BOLL: variants seen among roughly 807,000 people sequenced by gnomAD.
The protein encoded by BOLL is protein boule-like.
BOLL carries 23 observed loss-of-function variants against 44.4 expected under a neutral mutation model. That is an observed-to-expected ratio of 0.52 (90% confidence interval 0.37 to 0.73). The LOEUF is 0.73. BOLL is among the 30% of genes least tolerant of loss of function. The probability of loss-of-function intolerance (pLI) is 0.00; values close to 1 mark genes in which losing one functional copy is unlikely to be tolerated. For missense variants in BOLL, 287 were observed against 338.3 expected (o/e 0.85, Z 1.19); for synonymous variants, 97 against 110.8 (o/e 0.88, Z 0.78).
chr2:197,759,125 C>T, intron 7 of BOLL: 1 of 774,552 alleles, frequency 1.3e-6, no homozygotes, highest in Non-Finnish European at 2.1e-6. Flanking sequence ...GAATAAACAG[C>T]TACAATTTGA....
At chr2:197,734,033 A>C (rs1166157709) in intron 10 of BOLL, among the ~76,000 whole-genome samples, 1 of 151,384 alleles carries the variant, frequency 6.6e-6, no homozygotes, top group Non-Finnish European at 1.5e-5. Context: ...GCAACCTACA[A>C]AATGGGAGAA....
chr2:197,772,027 C>T, intron 5 of BOLL, 45 bp from the exon 6 acceptor site: 1 of 1,452,874 alleles, frequency 6.9e-7, no homozygotes, highest in Non-Finnish European at 9.3e-7. Context: ...TTCAATTTAA[C>T]TGTTAAAAAT....
At chr2:197,768,865 CATGA>C (rs1689111342) in intron 6 of BOLL, among the ~76,000 whole-genome samples, 3 of 150,112 alleles carry the variant, frequency 2.0e-5, no homozygotes, top group African/African-American at 7.4e-5. Context: ...GAGTTTTTAG[CATGA>C]AGGGCTGTTG....
At chr2:197,729,008 C>T (rs1260638411) in intron 10 of BOLL, among the ~76,000 whole-genome samples, 2 of 152,198 alleles carry the variant, frequency 1.3e-5, no homozygotes, top group African/African-American at 4.8e-5. Flanking sequence ...CGGTCTACAG[C>T]TCCCAGCGTG....
intron 10 of BOLL, 42 bp from the exon 11 acceptor site, chr2:197,728,620 G>T: frequency 1.5e-6 from 2 of 1,340,448 alleles, no homozygotes; most frequent in South Asian, 1.3e-5. Context: ...AGACTGAATG[G>T]AAAAAAAAAG....
At chr2:197,767,400 A>G (rs150952643) in intron 6 of BOLL, among the ~76,000 whole-genome samples, 1 of 152,168 alleles carries the variant, frequency 6.6e-6, no homozygotes, top group East Asian at 1.9e-4. Flanking sequence ...TTCACAGACT[A>G]TGGTATGCTA....
chr2:197,745,621 A>C (rs1439396306), intron 9 of BOLL, among the ~76,000 whole-genome samples: 2 of 152,222 alleles, frequency 1.3e-5, no homozygotes, highest in East Asian at 3.8e-4. Flanking sequence ...TGCTCCTGGC[A>C]AACCAGAAAA....
chr2:197,728,431 G>T lies in BOLL; in HGVS notation c.*124C>A. Reference sequence around the variant, plus strand: ...TAGTGGAATAACTGAGTATGGTGAGGTATTAACTAACACTAAGTTTCACAA... The same window carrying T: ...TAGTGGAATAACTGAGTATGGTGAGTTATTAACTAACACTAAGTTTCACAA... On this transcript the variant is annotated 3_prime_UTR_variant, in exon 11 of 11. Transcript: ENST00000392296. 1 of 1,427,972 alleles carries T rather than the reference G, an allele frequency of 7.0e-7. No homozygotes were observed. Among genetic ancestry groups the T allele is most frequent in the Non-Finnish European group, 9.8e-7 (1 of 1,017,264 alleles). The allele number at this position is 1,427,972 out of a possible 1,614,324, so 88.5% of individuals were successfully genotyped here. A position where few individuals can be genotyped will look rare whatever the true frequency, so the allele number is the denominator to read the frequency against.
chr2:197,782,289 A>G (rs1689825586), intron 1 of BOLL, among the ~76,000 whole-genome samples: 1 of 152,178 alleles, frequency 6.6e-6, no homozygotes, highest in Non-Finnish European at 1.5e-5. Flanking sequence ...GAACACCAAC[A>G]TCAGACAAAG....
At chr2:197,729,426 A>T (rs1687032393) in intron 10 of BOLL, among the ~76,000 whole-genome samples, 1 of 152,178 alleles carries the variant, frequency 6.6e-6, no homozygotes, top group South Asian at 2.1e-4. Flanking sequence ...TTAGGTAAAC[A>T]AAGCAGCTGG....
At chr2:197,744,439 C>A (rs1390601383) in intron 9 of BOLL, among the ~76,000 whole-genome samples, 1 of 152,076 alleles carries the variant, frequency 6.6e-6, no homozygotes, top group East Asian at 1.9e-4. Context: ...GGAGTAGGTA[C>A]AATGTCTCTG....
At chr2:197,759,685 C>T (rs374471910) in intron 7 of BOLL, among the ~76,000 whole-genome samples, 353 of 152,260 alleles carry the variant, frequency 2.3e-3, no homozygotes, top group African/African-American at 8.3e-3. Flanking sequence ...CGTCTGTTGC[C>T]CTCACCTCCA....
intron 10 of BOLL, among the ~76,000 whole-genome samples, chr2:197,736,867 T>A (rs1687518595): frequency 6.6e-6 from 1 of 152,294 alleles, no homozygotes; most frequent in African/African-American, 2.4e-5. Context: ...TGGTTGGACC[T>A]GTCTCTCTGC....
chr2:197,757,665 A>G (rs1688579267), intron 7 of BOLL, among the ~76,000 whole-genome samples: 1 of 152,178 alleles, frequency 6.6e-6, no homozygotes, highest in Admixed American at 6.5e-5. Context: ...AAAAGCATAA[A>G]CAACAAAGCA....
At chr2:197,764,928 A>G (rs1688923075) in intron 7 of BOLL, among the ~76,000 whole-genome samples, 1 of 152,046 alleles carries the variant, frequency 6.6e-6, no homozygotes, top group African/African-American at 2.4e-5. Context: ...GATGTTTTCC[A>G]CTGAGCATCA....
At chr2:197,778,058 T>A (rs138180868) in intron 3 of BOLL, among the ~76,000 whole-genome samples, 1 of 152,064 alleles carries the variant, frequency 6.6e-6, no homozygotes, top group Admixed American at 6.6e-5. Context: ...TGTTTTCCAA[T>A]GATTAAAAAA....
chr2:197,741,842 C>T (rs1460084592), intron 10 of BOLL, among the ~76,000 whole-genome samples: 4 of 151,492 alleles, frequency 2.6e-5, no homozygotes, highest in African/African-American at 9.7e-5. Context: ...AGCTTCTGCA[C>T]AGCAAAAGAA....
At chr2:197,786,017 C>T (rs887020150), upstream of BOLL, 4 of 1,611,716 alleles carry the variant, frequency 2.5e-6, no homozygotes, top group Middle Eastern at 1.7e-4. The surrounding 1 kb of genome is among the most constrained non-coding windows in gnomAD (Gnocchi z 5.9). Context: ...CCTCTCTGCT[C>T]TTCAGAGACG....
intron 10 of BOLL, among the ~76,000 whole-genome samples, chr2:197,734,874 C>G (rs1011527387): frequency 2.0e-5 from 3 of 152,002 alleles, no homozygotes; most frequent in Non-Finnish European, 4.4e-5. Flanking sequence ...TTAATGGGTG[C>G]AGCACACCAA....
Sources: allele counts gnomAD v4.1 joint callset (sites outside exome capture counted in the v4.1 genomes callset), GRCh38; gene constraint gnomAD v4.1.1; non-coding constraint Gnocchi (gnomAD v3.1); transcripts MANE v1.5; gene names NCBI Gene and HGNC (gene_info 2026-07-23, HGNC 2026-07-21).